Variants in SCIN observed in about 807,000 individuals in gnomAD.
SCIN encodes the protein scinderin.
A neutral mutation model predicts 91.8 loss-of-function variants in SCIN; 91 were observed. That is an observed-to-expected ratio of 0.99 (90% CI 0.84 to 1.18). The LOEUF (loss-of-function observed/expected upper bound fraction) is 1.18, where lower values mean the gene tolerates loss of function less well. SCIN is among the 50% of genes most tolerant of loss of function. The pLI is 0.00. For missense variants in SCIN, 1,087 were observed against 863.9 expected (o/e 1.26, Z -3.24); for synonymous variants, 367 against 312.6 (o/e 1.17, Z -1.84).
intron 3 of SCIN, among the ~76,000 whole-genome samples, chr7:12,599,991 G>A (rs1380123778): frequency 2.0e-5 from 3 of 152,016 alleles, no homozygotes; most frequent in Non-Finnish European, 4.4e-5. Flanking sequence ...TCTTTCTTTT[G>A]CTGTGAAGAA....
chr7:12,597,712 C>A (rs1007096633), intron 3 of SCIN, among the ~76,000 whole-genome samples: 10 of 152,206 alleles, frequency 6.6e-5, no homozygotes, highest in African/African-American at 2.4e-4. Flanking sequence ...AACTTGCTTG[C>A]TCTTATTTCT....
At chr7:12,605,763 C>CCTTT (rs1345673883) in intron 4 of SCIN, among the ~76,000 whole-genome samples, 4 of 152,116 alleles carry the variant, frequency 2.6e-5, no homozygotes, top group Non-Finnish European at 5.9e-5. Flanking sequence ...GAATTAAATA[C>CCTTT]AATCTTATAC....
rs982880693 is a variant in SCIN, at chr7:12,654,737, G to T, written c.*2022G>T. 1 of 152,016 alleles carries T rather than the reference G, an allele frequency of 6.6e-6. No individual in the cohort carries two copies. The highest frequency in any genetic ancestry group is 6.6e-5 in the Admixed American group (1 of 15,258). The allele number at this position is 152,016 out of a possible 1,614,324, so 9.4% of individuals were successfully genotyped here. Reference sequence around the variant, plus strand: ...TCTCCAATTTATAGCACAGGCCGAGGCATATAGTAGGGTCTCAGTTAATAT... The same window carrying T: ...TCTCCAATTTATAGCACAGGCCGAGTCATATAGTAGGGTCTCAGTTAATAT... On this transcript the variant is annotated 3_prime_UTR_variant, in exon 16 of 16. Transcript: ENST00000297029.
intron 3 of SCIN, among the ~76,000 whole-genome samples, chr7:12,604,181 T>C (rs1308449263): frequency 6.6e-6 from 1 of 152,138 alleles, no homozygotes; most frequent in Non-Finnish European, 1.5e-5. Context: ...GAGTATCATA[T>C]TTTTACAGAT....
intron 3 of SCIN, among the ~76,000 whole-genome samples, chr7:12,583,798 G>A (rs1257603878): frequency 6.6e-6 from 1 of 152,040 alleles, no homozygotes; most frequent in Non-Finnish European, 1.5e-5. Flanking sequence ...ACGTAATAGG[G>A]ACAGAGTCTC....
chr7:12,644,363 G>A lies in SCIN; in HGVS notation c.1759+48G>A, dbSNP rs376484292. 295 of 1,521,196 alleles carry A rather than the reference G, an allele frequency of 1.9e-4. 1 individual carries two copies. In the African/African-American group the frequency reaches 3.5e-3, roughly 18 times the overall value. 94.2% of individuals were successfully genotyped at this position (1,521,196 alleles called of 1,614,324 possible). ...CACTAACTAGAATTTATACTGATAC[G>A]ATTGCTAATCATCTTTTTTTCACCA... On this transcript the variant is annotated intron_variant, in intron 12 of 15. Coordinates refer to ENST00000297029, the MANE Select transcript of SCIN (RefSeq NM_001112706.3).
At chr7:12,607,717 T>C (rs1783107155) in intron 4 of SCIN, among the ~76,000 whole-genome samples, 1 of 152,230 alleles carries the variant, frequency 6.6e-6, no homozygotes, top group Admixed American at 6.5e-5. Context: ...TGAAAACCTT[T>C]ATTAGATAAG....
At chr7:12,652,437 A>C (rs1258546510) in intron 15 of SCIN, 151 bp from the exon 16 acceptor site, 1 of 692,540 alleles carries the variant, frequency 1.4e-6, no homozygotes, top group Non-Finnish European at 2.3e-6. Flanking sequence ...GAAGAATTGT[A>C]TTCGAAGAAT....
At chr7:12,591,855 T>C (rs1782730537) in intron 3 of SCIN, among the ~76,000 whole-genome samples, 1 of 152,090 alleles carries the variant, frequency 6.6e-6, no homozygotes, top group South Asian at 2.1e-4. Flanking sequence ...TAAGTCATCA[T>C]GGAGATGGAG....
chr7:12,581,206 C>T lies in SCIN; in HGVS notation c.501C>T (p.Ile167=). 1 of 1,551,414 alleles carries T rather than the reference C, an allele frequency of 6.4e-7. No homozygotes were observed. The change falls in exon 3 of 16, where the codon ATC becomes ATT. Residue 167 remains isoleucine, a synonymous_variant. Transcript: ENST00000297029. The part of the protein sequence containing the change: ...WDSFNKGDCF[I]IDLGTEIYQW... ...GTTTCAACAAGGGTGACTGCTTCATCATTGACCTTGGCACCGTAAGTTTCA... is the reference window on the plus strand; with the variant it reads ...GTTTCAACAAGGGTGACTGCTTCATTATTGACCTTGGCACCGTAAGTTTCA...
At chr7:12,629,760 A>G (rs951810768) in intron 9 of SCIN, among the ~76,000 whole-genome samples, 1 of 152,178 alleles carries the variant, frequency 6.6e-6, no homozygotes, top group African/African-American at 2.4e-5. Context: ...TGATGATTTA[A>G]TTGAAGTCTA....
At chr7:12,615,677 T>G (rs915053426) in intron 4 of SCIN, among the ~76,000 whole-genome samples, 1 of 152,122 alleles carries the variant, frequency 6.6e-6, no homozygotes, top group Non-Finnish European at 1.5e-5. Context: ...ACAGGGGCAT[T>G]TGGTTTAGGG....
intron 7 of SCIN, chr7:12,626,366 G>C (rs1783521823): frequency 1.9e-6 from 1 of 522,146 alleles, no homozygotes; most frequent in South Asian, 2.6e-5. Flanking sequence ...TTATTTTACT[G>C]CAGGGGTAAC....
Position 12,649,439 on chromosome 7 carries a change from T to G in SCIN, c.1882-28T>G, listed in dbSNP as rs763963004. The G allele has an allele frequency of 4.7e-6, 7 of 1,486,116 alleles. No individual in the cohort carries two copies. The South Asian group carries it at 8.9e-5, about 19-fold the overall frequency. The allele number at this position is 1,486,116 out of a possible 1,614,324, so 92.1% of individuals were successfully genotyped here. On this transcript the variant is annotated intron_variant, in intron 13 of 15. Transcript: ENST00000297029. ...TTAGAAAAATTACTGCTTTACTTTT[T>G]GCTCATATAGCTTTTTATACCTTTC... is the stretch of plus-strand genomic sequence containing the variant.
At chr7:12,587,481 C>T (rs778599624) in intron 3 of SCIN, among the ~76,000 whole-genome samples, 2 of 152,202 alleles carry the variant, frequency 1.3e-5, no homozygotes, top group Non-Finnish European at 2.9e-5. Context: ...GTTCCCCAGA[C>T]ATTTGCTAGG....
At chr7:12,573,269 G>A (rs1216954415) in intron 1 of SCIN, among the ~76,000 whole-genome samples, 1 of 152,068 alleles carries the variant, frequency 6.6e-6, no homozygotes, top group African/African-American at 2.4e-5. Context: ...CAGGGGAAAA[G>A]AACATTTGGT....
At chr7:12,601,755 G>A (rs1488465856) in intron 3 of SCIN, among the ~76,000 whole-genome samples, 1 of 152,066 alleles carries the variant, frequency 6.6e-6, no homozygotes, top group Admixed American at 6.6e-5. Flanking sequence ...TCATTTTTTT[G>A]TGCAAACACA....
At chr7:12,624,811 T>G (rs1281789149) in intron 5 of SCIN, among the ~76,000 whole-genome samples, 199 bp from the exon 6 acceptor site, 1 of 152,204 alleles carries the variant, frequency 6.6e-6, no homozygotes, top group Admixed American at 6.5e-5. Context: ...ATTAGTCTTG[T>G]GGATTCTTTT....
At chr7:12,571,063 C>T (rs1426406625) in intron 1 of SCIN, 78 bp downstream of exon 1, 3 of 1,429,164 alleles carry the variant, frequency 2.1e-6, no homozygotes, top group African/African-American at 1.4e-5. Flanking sequence ...GATTTGCAGG[C>T]GTGGGAGTAA....
Sources: allele counts gnomAD v4.1 joint callset (sites outside exome capture counted in the v4.1 genomes callset), GRCh38; gene constraint gnomAD v4.1.1; transcripts MANE v1.5; gene names NCBI Gene and HGNC (gene_info 2026-07-23, HGNC 2026-07-21).